FSTL4: variants seen among roughly 807,000 people sequenced by gnomAD.
FSTL4 encodes follistatin-related protein 4.
FSTL4 carries 28 observed loss-of-function variants against 78.2 expected under a neutral mutation model. That is an observed-to-expected ratio of 0.36 (90% CI 0.27 to 0.49). FSTL4 has a LOEUF of 0.49. FSTL4 is among the 20% of genes least tolerant of loss of function. The probability of loss-of-function intolerance (pLI) is 0.98; values close to 1 mark genes in which losing one functional copy is unlikely to be tolerated. For missense variants in FSTL4, 922 were observed against 1,084.9 expected, an observed-to-expected ratio of 0.85 and a Z score of 2.11; for synonymous variants, 422 against 440.5, an observed-to-expected ratio of 0.96 and a Z score of 0.53.
chr5:133,544,819 G>A (rs1021396946), intron 3 of FSTL4, among the ~76,000 whole-genome samples: 5 of 152,198 alleles, frequency 3.3e-5, no homozygotes, highest in Admixed American at 3.3e-4. Context: ...CAAGATTTCA[G>A]GGGCCTGGAA....
intron 6 of FSTL4, among the ~76,000 whole-genome samples, chr5:133,280,703 G>C (rs953888882): frequency 5.3e-5 from 8 of 152,150 alleles, no homozygotes; most frequent in Non-Finnish European, 1.5e-5. Context: ...GAGCCACAGG[G>C]TAGCCACTGA....
rs1756899603 is a variant in FSTL4 at position 133,429,888 on chromosome 5, G to A, written c.161-28902C>T. On this transcript the variant is annotated intron_variant, in intron 3 of 15. Transcript: ENST00000265342. Reference sequence around the variant, plus strand: ...TAAAGTCCCTTCTCTCCTATTTCAGGTTAATTGGGTCTGTGCCAGAGTTCA... The same window carrying A: ...TAAAGTCCCTTCTCTCCTATTTCAGATTAATTGGGTCTGTGCCAGAGTTCA... Among the ~76,000 whole-genome samples the A allele has an allele frequency of 1.3e-5, 2 of 152,106 alleles. 1 individual carries two copies. The highest frequency in any genetic ancestry group is 4.8e-5 in the African/African-American group (2 of 41,428).
chr5:133,684,188 T>C, the FSTL4 span, among the ~76,000 whole-genome samples: 2 of 152,352 alleles, frequency 1.3e-5, no homozygotes, highest in Admixed American at 6.5e-5. Flanking sequence ...CAGTTAGATG[T>C]CAAGCTCAGG....
At chr5:133,739,734 G>A in the FSTL4 span, among the ~76,000 whole-genome samples, 2 of 152,108 alleles carry the variant, frequency 1.3e-5, no homozygotes, top group Non-Finnish European at 2.9e-5. Context: ...TTTAATACAC[G>A]ATCTCCTTTA....
intron 2 of FSTL4, among the ~76,000 whole-genome samples, chr5:133,578,337 A>G (rs1191111242): frequency 6.6e-6 from 1 of 152,256 alleles, no homozygotes; most frequent in Non-Finnish European, 1.5e-5. Context: ...CACCAGCTGC[A>G]GGCCTGAGGA....
chr5:133,619,685 T>G, the FSTL4 span, among the ~76,000 whole-genome samples: 1 of 152,282 alleles, frequency 6.6e-6, no homozygotes, highest in East Asian at 1.9e-4. Flanking sequence ...ATTTCCTAAT[T>G]GCAGTAAATA....
intron 3 of FSTL4, among the ~76,000 whole-genome samples, chr5:133,462,093 G>T: frequency 6.6e-6 from 1 of 152,224 alleles, no homozygotes; most frequent in East Asian, 1.9e-4. Context: ...CACAGACACT[G>T]TCCAAAGAAG....
At chr5:133,741,025 C>T in the FSTL4 span, among the ~76,000 whole-genome samples, 2 of 151,924 alleles carry the variant, frequency 1.3e-5, no homozygotes, top group Non-Finnish European at 2.9e-5. Context: ...GGGTATATTG[C>T]AAGCATATGA....
intron 1 of FSTL4, among the ~76,000 whole-genome samples, chr5:133,610,527 T>C: frequency 6.6e-6 from 1 of 152,154 alleles, no homozygotes; most frequent in East Asian, 1.9e-4. Flanking sequence ...AGTGCCTCCT[T>C]CTCACAACGC....
chr5:133,389,081 T>C (rs1755776525), intron 4 of FSTL4, among the ~76,000 whole-genome samples: 1 of 152,244 alleles, frequency 6.6e-6, no homozygotes, highest in Admixed American at 6.5e-5. Flanking sequence ...TTTTATCTCA[T>C]TTCAGAGTTC....
the FSTL4 span, among the ~76,000 whole-genome samples, chr5:133,740,933 C>CTGGA: frequency 0.023 from 3,402 of 148,946 alleles, 57 homozygotes; most frequent in East Asian, 0.043. Context: ...AAGTCAGCCT[C>CTGGA]TGGATGGATG....
chr5:133,646,235 A>G, the FSTL4 span, among the ~76,000 whole-genome samples: 1 of 152,202 alleles, frequency 6.6e-6, no homozygotes, highest in African/African-American at 2.4e-5. Flanking sequence ...TTGGACCTAA[A>G]GGATGAGAGA....
the FSTL4 span, among the ~76,000 whole-genome samples, chr5:133,712,854 C>T: frequency 7.9e-5 from 12 of 152,160 alleles, no homozygotes; most frequent in South Asian, 4.1e-4. Context: ...AGTGAATGGC[C>T]GCCCAGCTCA....
intron 4 of FSTL4, among the ~76,000 whole-genome samples, chr5:133,330,336 G>A (rs1004181632): frequency 3.3e-5 from 5 of 152,308 alleles, no homozygotes; most frequent in South Asian, 2.1e-4. Flanking sequence ...GATGTATAGC[G>A]CTGGCAACAG....
At chr5:133,301,541 G>A (rs1482622517) in intron 6 of FSTL4, among the ~76,000 whole-genome samples, 1 of 152,172 alleles carries the variant, frequency 6.6e-6, no homozygotes, top group Non-Finnish European at 1.5e-5. Flanking sequence ...GGGCTTGGAA[G>A]TGCCGCTCCA....
chr5:133,216,568 C>G (rs1750915744), intron 13 of FSTL4, among the ~76,000 whole-genome samples: 1 of 152,206 alleles, frequency 6.6e-6, no homozygotes, highest in Admixed American at 6.5e-5. Flanking sequence ...CCAGGCTGGT[C>G]TCAAACTCCT....
At chr5:133,676,941 A>G in the FSTL4 span, among the ~76,000 whole-genome samples, 1 of 152,226 alleles carries the variant, frequency 6.6e-6, no homozygotes, top group African/African-American at 2.4e-5. Flanking sequence ...CCTGCTTTCA[A>G]ACATCTATAG....
the FSTL4 span, among the ~76,000 whole-genome samples, chr5:133,804,346 C>G: frequency 6.6e-6 from 1 of 152,156 alleles, no homozygotes; most frequent in Non-Finnish European, 1.5e-5. Flanking sequence ...TGATATAGTG[C>G]AGTGCCCACT....
the FSTL4 span, among the ~76,000 whole-genome samples, chr5:133,735,742 G>A: frequency 0.032 from 4,871 of 152,190 alleles, 286 homozygotes; most frequent in African/African-American, 0.11. Flanking sequence ...GGGACCTCAC[G>A]TCTCTATAAC....
Sources: allele counts gnomAD v4.1 joint callset (sites outside exome capture counted in the v4.1 genomes callset), GRCh38; gene constraint gnomAD v4.1.1; transcripts MANE v1.5; gene names NCBI Gene and HGNC (gene_info 2026-07-23, HGNC 2026-07-21).